Variants in KIAA1328 observed in about 807,000 individuals in gnomAD.
The protein encoded by KIAA1328 is KIAA1328.
In KIAA1328, 52 loss-of-function variants were observed where a neutral mutation model predicts 68.1. The ratio of observed to expected loss-of-function variants is 0.76; its 90% CI spans 0.61 to 0.96. The LOEUF (loss-of-function observed/expected upper bound fraction) is 0.96. KIAA1328 is among the 40% of genes least tolerant of loss of function. The probability of loss-of-function intolerance (pLI) is 0.00; values close to 1 mark genes in which losing one functional copy is unlikely to be tolerated. For missense variants in KIAA1328, 641 were observed against 677.6 expected, an observed-to-expected ratio of 0.95 and a Z score of 0.60; for synonymous variants, 232 against 239.4, an observed-to-expected ratio of 0.97 and a Z score of 0.28.
At chr18:37,132,323 A>G (rs1177688082) in intron 7 of KIAA1328, among the ~76,000 whole-genome samples, 2 of 152,210 alleles carry the variant, frequency 1.3e-5, no homozygotes, top group East Asian at 1.9e-4. Flanking sequence ...ATCGAGTGTA[A>G]TAACAAAAGC....
intron 7 of KIAA1328, among the ~76,000 whole-genome samples, chr18:37,081,186 T>G (rs1238331930): frequency 1.3e-5 from 2 of 152,156 alleles, no homozygotes; most frequent in Non-Finnish European, 2.9e-5. Flanking sequence ...TTCACCATGT[T>G]GGCCAGGCTG....
intron 5 of KIAA1328, among the ~76,000 whole-genome samples, chr18:36,893,455 GTGTGTGTT>G: frequency 7.3e-6 from 1 of 137,220 alleles, no homozygotes; most frequent in African/African-American, 2.7e-5. Context: ...GTGTGTGTGT[GTGTGTGTT>G]TTTGTGTGTG....
At chr18:37,125,604 T>G (rs2058370670) in intron 7 of KIAA1328, among the ~76,000 whole-genome samples, 1 of 152,054 alleles carries the variant, frequency 6.6e-6, no homozygotes. Flanking sequence ...AAACCTATAC[T>G]CAGAACAATC....
intron 6 of KIAA1328, among the ~76,000 whole-genome samples, chr18:37,001,931 C>G (rs1452484891): frequency 2.0e-5 from 3 of 152,044 alleles, no homozygotes; most frequent in Admixed American, 6.6e-5. Context: ...AGCCTTTTCT[C>G]TAAGAACTGG....
intron 7 of KIAA1328, among the ~76,000 whole-genome samples, chr18:37,119,450 C>T (rs971033121): frequency 6.6e-6 from 1 of 152,140 alleles, no homozygotes; most frequent in African/African-American, 2.4e-5. Flanking sequence ...ATCAGAGTGA[C>T]AGCATGGTTG....
chr18:37,132,497 G>A (rs991043239), intron 7 of KIAA1328, among the ~76,000 whole-genome samples: 3 of 152,162 alleles, frequency 2.0e-5, no homozygotes, highest in Non-Finnish European at 2.9e-5. Context: ...TCCATCTATT[G>A]CATGGGCAGA....
chr18:37,028,262 T>A (rs1281666911), intron 6 of KIAA1328, among the ~76,000 whole-genome samples: 1 of 152,196 alleles, frequency 6.6e-6, no homozygotes, highest in East Asian at 1.9e-4. Context: ...CCTGATTAGC[T>A]GTATTCGAAA....
At chr18:37,007,220 TGGCACCTCAA>T (rs2053816299) in intron 6 of KIAA1328, among the ~76,000 whole-genome samples, 1 of 152,188 alleles carries the variant, frequency 6.6e-6, no homozygotes, top group African/African-American at 2.4e-5. Context: ...CTTGGCTTCT[TGGCACCTCAA>T]ACTGTATGTA....
intron 7 of KIAA1328, among the ~76,000 whole-genome samples, chr18:37,142,545 A>G (rs2058790715): frequency 1.3e-5 from 2 of 152,118 alleles, no homozygotes; most frequent in Non-Finnish European, 2.9e-5. Context: ...ATTTGCTGAA[A>G]AAAACTTTTT....
Position 37,079,514 on chromosome 18 carries a change from A to T in KIAA1328, c.1232+11969A>T, listed in dbSNP as rs2056874062. On this transcript the variant is annotated intron_variant, in intron 7 of 9. Coordinates refer to ENST00000280020, the MANE Select transcript of KIAA1328 (RefSeq NM_020776.3). ...AATAAAATAAAAATAAAAATAAAAA[A>T]AAGAAGTGCAGCTATTTCATCATGT... Among the ~76,000 whole-genome samples, 6 of 151,734 alleles carry T rather than the reference A, an allele frequency of 4.0e-5. No homozygotes were observed. The South Asian group carries it at 8.3e-4, about 21-fold the overall frequency.
At chr18:36,838,114 G>A (rs1441593192) in intron 3 of KIAA1328, among the ~76,000 whole-genome samples, 3 of 152,096 alleles carry the variant, frequency 2.0e-5, no homozygotes, top group African/African-American at 7.2e-5. Context: ...CTGTTGGATT[G>A]TTTATTGCTA....
At chr18:37,026,331 C>T (rs192052026) in intron 6 of KIAA1328, among the ~76,000 whole-genome samples, 2 of 152,232 alleles carry the variant, frequency 1.3e-5, no homozygotes, top group African/African-American at 4.8e-5. Flanking sequence ...TGAAACTATT[C>T]CAATCAATAG....
intron 7 of KIAA1328, among the ~76,000 whole-genome samples, chr18:37,077,828 A>G (rs2056799242): frequency 6.6e-6 from 1 of 151,568 alleles, no homozygotes; most frequent in Non-Finnish European, 1.5e-5. Flanking sequence ...GAAATAAAAG[A>G]GGATACAAAG....
At chr18:36,854,616 G>A (rs1270664593) in intron 4 of KIAA1328, among the ~76,000 whole-genome samples, 1 of 152,004 alleles carries the variant, frequency 6.6e-6, no homozygotes, top group Non-Finnish European at 1.5e-5. Context: ...TTGTTCCATT[G>A]GGAATATCTT....
intron 6 of KIAA1328, among the ~76,000 whole-genome samples, chr18:36,992,191 C>G (rs1272610528): frequency 6.6e-6 from 1 of 152,152 alleles, no homozygotes; most frequent in Non-Finnish European, 1.5e-5. Flanking sequence ...TTACAGCCAT[C>G]TTTGACCAGT....
intron 4 of KIAA1328, among the ~76,000 whole-genome samples, chr18:36,870,315 A>G (rs547479478): frequency 2.0e-5 from 3 of 152,286 alleles, no homozygotes; most frequent in East Asian, 3.9e-4. Context: ...TTTTTAGAGT[A>G]ATTGATTAAT....
Position 37,116,534 on chromosome 18 carries a change from G to A in KIAA1328, c.1233-43666G>A, listed in dbSNP as rs1295765917. On this transcript the variant is annotated intron_variant, in intron 7 of 9. Transcript: ENST00000280020. ...TTCAAGATGGATTAAAGACTTAAATGTTAGACCTAACACTATAAAAACCCT... is the reference window on the plus strand; with the variant it reads ...TTCAAGATGGATTAAAGACTTAAATATTAGACCTAACACTATAAAAACCCT... Among the ~76,000 whole-genome samples the A allele has an allele frequency of 2.0e-5, 3 of 152,208 alleles. No homozygotes were observed. The East Asian group carries it at 5.8e-4, about 29-fold the overall frequency.
intron 7 of KIAA1328, chr18:37,074,791 G>A (rs9675760): frequency 0.14 from 21,348 of 157,506 alleles, 1,801 homozygotes; most frequent in Admixed American, 0.18. Flanking sequence ...CTCTCAACTC[G>A]TCAAAGTCAT....
At chr18:36,960,190 G>A (rs559935913) in intron 6 of KIAA1328, among the ~76,000 whole-genome samples, 208 of 152,300 alleles carry the variant, frequency 1.4e-3, no homozygotes, top group Non-Finnish European at 2.5e-3. Context: ...TCATGCCCAC[G>A]GAGCCTTGCT....
Sources: allele counts gnomAD v4.1 joint callset (sites outside exome capture counted in the v4.1 genomes callset), GRCh38; gene constraint gnomAD v4.1.1; transcripts MANE v1.5; gene names NCBI Gene and HGNC (gene_info 2026-07-23, HGNC 2026-07-21).